OPCML: variants seen among roughly 807,000 people sequenced by gnomAD.
The protein encoded by OPCML is opioid binding protein/cell adhesion molecule like.
In OPCML, 13 loss-of-function variants were observed where a neutral mutation model predicts 37.8. That is an observed-to-expected ratio of 0.34 (90% CI 0.22 to 0.55). OPCML has a LOEUF of 0.55. OPCML is among the 20% of genes least tolerant of loss of function. The pLI is 0.91. For missense variants in OPCML, 341 were observed against 435.6 expected, an observed-to-expected ratio of 0.78 and a Z score of 1.93; for synonymous variants, 176 against 168.8, an observed-to-expected ratio of 1.04 and a Z score of -0.33.
chr11:132,423,378 T>C (rs2095966787), intron 7 of OPCML, among the ~76,000 whole-genome samples: 1 of 152,222 alleles, frequency 6.6e-6, no homozygotes, highest in South Asian at 2.1e-4. Flanking sequence ...TCCACTACGA[T>C]ACACAGTGAA....
At chr11:132,742,914 T>C (rs1031306470) in intron 2 of OPCML, among the ~76,000 whole-genome samples, 46 of 151,986 alleles carry the variant, frequency 3.0e-4, no homozygotes, top group African/African-American at 1.1e-3. Flanking sequence ...AGACACCTAG[T>C]TCCATCCAAA....
intron 1 of OPCML, among the ~76,000 whole-genome samples, chr11:132,955,680 G>A (rs1227678041): frequency 2.0e-5 from 3 of 151,994 alleles, no homozygotes; most frequent in Non-Finnish European, 2.9e-5. Context: ...TCAGGAGTTC[G>A]AGACCATCCT....
intron 1 of OPCML, among the ~76,000 whole-genome samples, chr11:133,080,147 G>A (rs1193183626): frequency 2.6e-5 from 4 of 152,158 alleles, no homozygotes; most frequent in African/African-American, 9.7e-5. Flanking sequence ...ATCCACAAGA[G>A]CTACAGCAAC....
intron 2 of OPCML, among the ~76,000 whole-genome samples, chr11:132,718,550 G>C (rs1244554141): frequency 1.3e-5 from 2 of 152,222 alleles, no homozygotes; most frequent in Admixed American, 1.3e-4. Flanking sequence ...GAGTTCCCTA[G>C]GTCAGCCTGT....
intron 1 of OPCML, among the ~76,000 whole-genome samples, chr11:133,096,130 ATG>A (rs59616366): frequency 0.029 from 4,337 of 150,174 alleles, 182 homozygotes; most frequent in African/African-American, 0.096. Flanking sequence ...TTGTGCACAA[ATG>A]TGTGTGTGTG....
At chr11:133,029,094 CCAA>C (rs1414924717) in intron 1 of OPCML, among the ~76,000 whole-genome samples, 3 of 152,066 alleles carry the variant, frequency 2.0e-5, no homozygotes, top group Non-Finnish European at 4.4e-5. Context: ...TATACATGCA[CCAA>C]CAAGCATATG....
At chr11:132,532,208 C>T (rs911622896) in intron 3 of OPCML, among the ~76,000 whole-genome samples, 3 of 152,094 alleles carry the variant, frequency 2.0e-5, no homozygotes, top group African/African-American at 7.2e-5. Flanking sequence ...AGTGGGATCG[C>T]GAAGACTAAC....
intron 1 of OPCML, among the ~76,000 whole-genome samples, chr11:133,187,015 T>G (rs776082154): frequency 6.6e-6 from 1 of 152,148 alleles, no homozygotes; most frequent in Non-Finnish European, 1.5e-5. Flanking sequence ...GGTCTTCAGA[T>G]GATCCACAGC....
intron 3 of OPCML, among the ~76,000 whole-genome samples, chr11:132,607,897 A>G (rs1938405895): frequency 6.6e-6 from 1 of 152,178 alleles, no homozygotes; most frequent in South Asian, 2.1e-4. Context: ...AGTCGTAGGT[A>G]CAAACATACA....
intron 1 of OPCML, among the ~76,000 whole-genome samples, chr11:133,440,795 TGTGTGTGA>T (rs1946350020): frequency 8.1e-6 from 1 of 122,854 alleles, no homozygotes; most frequent in African/African-American, 5.0e-5. Flanking sequence ...TGTGTGTGTG[TGTGTGTGA>T]GTGTGTATGT....
At chr11:133,390,186 CG>C (rs2136807582) in intron 1 of OPCML, among the ~76,000 whole-genome samples, 1 of 152,310 alleles carries the variant, frequency 6.6e-6, no homozygotes, top group African/African-American at 2.4e-5. Context: ...AGGCCGAACG[CG>C]GTGGCTCACG....
chr11:132,796,726 A>C (rs1938344415), intron 2 of OPCML, among the ~76,000 whole-genome samples: 1 of 151,716 alleles, frequency 6.6e-6, no homozygotes. Flanking sequence ...TACAGGCGCC[A>C]GCCGCCACGC....
intron 3 of OPCML, among the ~76,000 whole-genome samples, chr11:132,639,701 G>T (rs1160108583): frequency 2.0e-5 from 3 of 152,226 alleles, no homozygotes; most frequent in African/African-American, 7.2e-5. Context: ...TGCTGCAAAA[G>T]TTGAGCATTG....
intron 3 of OPCML, among the ~76,000 whole-genome samples, chr11:132,653,835 A>C (rs1028080156): frequency 6.6e-6 from 1 of 152,200 alleles, no homozygotes; most frequent in African/African-American, 2.4e-5. Flanking sequence ...TCTCAAATGG[A>C]CAGAAGATAC....
At chr11:133,158,285 A>G (rs370283092) in intron 1 of OPCML, among the ~76,000 whole-genome samples, 1 of 152,350 alleles carries the variant, frequency 6.6e-6, no homozygotes, top group East Asian at 1.9e-4. Flanking sequence ...TCCGAACAAA[A>G]TATAATGAGA....
At chr11:132,703,618 T>C (rs1459727835) in intron 2 of OPCML, among the ~76,000 whole-genome samples, 2 of 152,144 alleles carry the variant, frequency 1.3e-5, no homozygotes, top group Non-Finnish European at 2.9e-5. Flanking sequence ...AGTTCTTGGG[T>C]GGAATGATCC....
chr11:133,246,097 C>A (rs1229714404), intron 1 of OPCML, among the ~76,000 whole-genome samples: 1 of 152,066 alleles, frequency 6.6e-6, no homozygotes, highest in Admixed American at 6.5e-5. Context: ...ACTTTCTGCA[C>A]ATGTATCCCA....
At chr11:133,384,247 C>CAAAAAAAAAAAAAAAAAAAAAAAA (rs1186998875) in intron 1 of OPCML, among the ~76,000 whole-genome samples, 3 of 71,244 alleles carry the variant, frequency 4.2e-5, no homozygotes, top group African/African-American at 1.4e-4. Flanking sequence ...GGCCACTGTG[C>CAAAAAAAAAAAAAAAAAAAAAAAA]AAAAAAAAAA....
intron 1 of OPCML, among the ~76,000 whole-genome samples, chr11:133,120,384 A>G (rs1949401996): frequency 6.6e-6 from 1 of 152,238 alleles, no homozygotes. Context: ...GGGTTACAGC[A>G]GCAGCATTGC....
Sources: allele counts gnomAD v4.1 joint callset (sites outside exome capture counted in the v4.1 genomes callset), GRCh38; gene constraint gnomAD v4.1.1; transcripts MANE v1.5; gene names NCBI Gene and HGNC (gene_info 2026-07-23, HGNC 2026-07-21).